ZNF606: variants seen among roughly 807,000 people sequenced by gnomAD.
ZNF606 encodes the protein zinc finger protein 328.
ZNF606 carries 37 observed loss-of-function variants against 74.9 expected under a neutral mutation model. That is an observed-to-expected ratio of 0.49 (90% CI 0.38 to 0.65). ZNF606 has a LOEUF of 0.65. ZNF606 is among the 30% of genes least tolerant of loss of function. The pLI is 0.00. For missense variants in ZNF606, 852 were observed against 952.9 expected, an observed-to-expected ratio of 0.89 and a Z score of 1.39; for synonymous variants, 328 against 312.4, an observed-to-expected ratio of 1.05 and a Z score of -0.53.
intron 4 of ZNF606, among the ~76,000 whole-genome samples, chr19:57,994,459 C>A (rs1032539857): frequency 6.6e-6 from 1 of 152,186 alleles, no homozygotes; most frequent in African/African-American, 2.4e-5. Flanking sequence ...CAAAGATAGA[C>A]ACATTTGACA....
In ZNF606 at chr19:57,977,724, AAGG is replaced by A. The variant is rs2073011475; in HGVS notation, c.*574_*576del. On this transcript the variant is annotated 3_prime_UTR_variant, in exon 7 of 7. Coordinates refer to ENST00000551380, the MANE Select transcript of ZNF606 (RefSeq NM_001348022.3). ...GTCATCTCATTCATTAATTTTCTCT[AAGG>A]AGGTTAATCAACAGTAAATACCCCA... 1.3e-5 allele frequency: 2 copies of A among 152,304 alleles called. No homozygotes were observed. Among genetic ancestry groups the A allele is most frequent in the Admixed American group, 6.5e-5 (1 of 15,292 alleles). 9.4% of individuals were successfully genotyped at this position (152,304 alleles called of 1,614,324 possible).
Position 57,979,761 on chromosome 19 carries a change from G to T in ZNF606, c.919C>A (p.His307Asn). 2 of 1,613,334 alleles carry T rather than the reference G, an allele frequency of 1.2e-6. No individual in the cohort carries two copies. Among genetic ancestry groups the T allele is most frequent in the South Asian group, 2.2e-5 (2 of 90,998 alleles). ...TTTTCTCCTGTGTGAATTCCTTTAT[G>T]ATCACCAAAATGTATTATATGATTG... ...SFNHIIHFGDHKGIHTGEKLY... is the reference protein window; with the variant it reads ...SFNHIIHFGDNKGIHTGEKLY... Residue 307 changes from histidine (H) to asparagine (N), a missense_variant, in exon 7 of 7, where the codon CAT (histidine) becomes AAT (asparagine). By Grantham distance (68) the His-to-Asn change is moderately conservative. Coordinates refer to ENST00000551380, the MANE Select transcript of ZNF606 (RefSeq NM_001348022.3).
rs200497453 is a variant in ZNF606, at chr19:57,979,879, G to T, written c.801C>A (p.Asp267Glu). 5 of 1,613,788 alleles carry T rather than the reference G, an allele frequency of 3.1e-6. No homozygotes were observed. In the African/African-American group the frequency reaches 6.7e-5, roughly 22 times the overall value. ...GTTGAATGGACTGATAAACAGTTTT[G>T]TCATAATCATTATTTTCACAGGTAA... ...DKVTCENNDYDKTVYQSIQPI... is the reference protein window; with the variant it reads ...DKVTCENNDYEKTVYQSIQPI... The change falls in exon 7 of 7, where the codon GAC (aspartate) becomes GAA (glutamate). Residue 267 changes from aspartate (D) to glutamate (E), a missense_variant. This residue lies in a region of ZNF606 where 545 missense variants were observed against 542.5 expected (regional missense o/e 1.00). Coordinates refer to ENST00000551380, the MANE Select transcript of ZNF606 (RefSeq NM_001348022.3).
At position 58,000,709 on chromosome 19, in the gene ZNF606, G is replaced by A; in HGVS notation, c.62C>T (p.Thr21Ile). ...CCAGGAGGCCCATGGGTCAACAGCT[G>A]TCATCCCCCAAGATTGGTCCGTAAG... ...GALTDQSWGM[T>I]AVDPWASWAL... Residue 21 changes from threonine to isoleucine, a missense_variant, in exon 3 of 7, where the codon ACA becomes ATA. Physicochemically the swap from Thr to Ile is moderately conservative, Grantham distance 89. Coordinates refer to ENST00000551380, the MANE Select transcript of ZNF606 (RefSeq NM_001348022.3). 1 of 1,611,638 alleles carries A rather than the reference G, an allele frequency of 6.2e-7. No individual in the cohort carries two copies. The highest frequency in any genetic ancestry group is 8.5e-7 in the Non-Finnish European group (1 of 1,178,772).
rs772628862 is a variant in ZNF606 at position 57,979,715 on chromosome 19, C to T, written c.965G>A (p.Cys322Tyr). 1.9e-6 allele frequency: 3 copies of T among 1,613,396 alleles called. No individual in the cohort carries two copies. ...TGGGCTCTGGTTAAAGATTTGATGG[C>T]ATTCCTTATATTCATAGAGTTTTTC... ...TGEKLYEYKE[C>Y]HQIFNQSPSF... Residue 322 changes from cysteine (C) to tyrosine (Y), a missense_variant, in exon 7 of 7, where the codon TGC (cysteine) becomes TAC (tyrosine). By Grantham distance (194) the Cys-to-Tyr change is radical. Around this residue, in one of 3 missense-constraint regions of ZNF606, gnomAD observed 545 missense variants for 542.5 expected, o/e 1.00. Coordinates refer to ENST00000551380, the MANE Select transcript of ZNF606 (RefSeq NM_001348022.3).
intron 4 of ZNF606, chr19:57,997,463 G>C (rs1229183055): frequency 5.3e-5 from 8 of 152,138 alleles, no homozygotes; most frequent in Non-Finnish European, 8.8e-5. Context: ...AAGGGACACA[G>C]GGTTCTTTTG....
rs1205920901 is a variant in ZNF606, at chr19:57,979,114, G to A, written c.1566C>T (p.Ser522=). 1.9e-6 allele frequency: 3 copies of A among 1,614,092 alleles called. No individual in the cohort carries two copies. Among genetic ancestry groups the A allele is most frequent in the Non-Finnish European group, 2.5e-6 (3 of 1,180,006 alleles). ...FECTECGKSF[S]WSSHLIAHMR... ...TATGGGCAATAAGATGGGAGCTCCA[G>A]CTGAATGATTTCCCACATTCAGTAC... Residue 522 remains serine (S), a synonymous_variant, in exon 7 of 7, where the codon AGC becomes AGT. Transcript: ENST00000551380.
At chr19:58,002,336 C>G (rs1419233111) in intron 1 of ZNF606, 60 bp downstream of exon 1, 1 of 456,652 alleles carries the variant, frequency 2.2e-6, no homozygotes, top group Non-Finnish European at 4.4e-6. Flanking sequence ...GCTCCCGACC[C>G]AAATTTCCTC....
chr19:57,980,079 G>C lies in ZNF606; in HGVS notation c.601C>G (p.Gln201Glu), dbSNP rs1375702257. The change falls in exon 7 of 7, where the codon CAA becomes GAA. Residue 201 changes from glutamine (Q) to glutamate (E), a missense_variant. Transcript: ENST00000551380. ...STAMRQMVFM[Q>E]KQVLSQRSSE... ...CTTCTCTGGGATAGTACTTGCTTTT[G>C]CATGAAGACCATCTGCCTCATAGCT... The C allele has an allele frequency of 7.4e-6, 12 of 1,613,722 alleles. No homozygotes were observed. The highest frequency in any genetic ancestry group is 1.3e-5 in the African/African-American group (1 of 74,938).
At chr19:57,984,640 ACT>A (rs2073138213) in intron 6 of ZNF606, among the ~76,000 whole-genome samples, 1 of 152,278 alleles carries the variant, frequency 6.6e-6, no homozygotes, top group East Asian at 1.9e-4. Context: ...GCATAAAGAA[ACT>A]CTGTTATGCA....
chr19:57,987,596 G>A (rs1299502902), intron 6 of ZNF606, among the ~76,000 whole-genome samples: 1 of 152,144 alleles, frequency 6.6e-6, no homozygotes, highest in Non-Finnish European at 1.5e-5. Flanking sequence ...GGGAGCCCGA[G>A]GTGGGCGGAT....
intron 4 of ZNF606, among the ~76,000 whole-genome samples, chr19:57,996,957 C>G (rs2073349686): frequency 6.6e-6 from 1 of 152,218 alleles, no homozygotes; most frequent in South Asian, 2.1e-4. Flanking sequence ...CTTTGAGAGT[C>G]TGAAGGAGAG....
At chr19:58,003,140 C>A, upstream of ZNF606, 1 of 428,810 alleles carries the variant, frequency 2.3e-6, no homozygotes, top group Non-Finnish European at 4.8e-6. Flanking sequence ...GAGTTCTCAG[C>A]GCTCTCGAGG....
rs1391000364 is a variant in ZNF606 at position 57,978,640 on chromosome 19, A to G, written c.2040T>C (p.Tyr680=). 1.2e-6 allele frequency: 2 copies of G among 1,614,028 alleles called. No individual in the cohort carries two copies. Among genetic ancestry groups the G allele is most frequent in the East Asian group, 2.2e-5 (1 of 44,876 alleles). ...AGGATCTTTCACACTGATTACATTT[A>G]TAGGGTTTCTCACCAGTGTGAATTC... is the stretch of plus-strand genomic sequence containing the variant. ...HRRIHTGEKP[Y]KCNQCERSFN... The change falls in exon 7 of 7, where the codon TAT becomes TAC. Residue 680 remains tyrosine (Y), a synonymous_variant. Transcript: ENST00000551380. The surrounding 1 kb of genome is among the most constrained non-coding windows in gnomAD (Gnocchi z 4.4).
At chr19:58,001,911 C>A (rs1024002469) in intron 1 of ZNF606, 2 of 303,470 alleles carry the variant, frequency 6.6e-6, no homozygotes, top group African/African-American at 2.2e-5. Context: ...AAAAAAAATT[C>A]ACCTCCAAGA....
intron 2 of ZNF606, chr19:58,001,018 T>C (rs1426177498): frequency 5.6e-6 from 3 of 536,408 alleles, no homozygotes; most frequent in Non-Finnish European, 9.8e-6. Context: ...TATTTTATTA[T>C]ATGTATCACT....
chr19:57,979,900 G>A lies in ZNF606; in HGVS notation c.780C>T (p.Thr260=). The A allele has an allele frequency of 6.2e-7, 1 of 1,613,870 alleles. No individual in the cohort carries two copies. Among genetic ancestry groups the A allele is most frequent in the East Asian group, 2.2e-5 (1 of 44,872 alleles). Residue 260 remains threonine (T), a synonymous_variant, in exon 7 of 7, where the codon ACC becomes ACT. Transcript: ENST00000551380. ...TTTTGTCATAATCATTATTTTCACAGGTAACCTTATCTGCATACATTATGG... is the reference window on the plus strand; with the variant it reads ...TTTTGTCATAATCATTATTTTCACAAGTAACCTTATCTGCATACATTATGG... ...DSAIMYADKV[T]CENNDYDKTV...
Position 57,979,353 on chromosome 19 carries a change from G to A in ZNF606, c.1327C>T (p.Leu443Phe). The change falls in exon 7 of 7, where the codon CTT becomes TTT. Residue 443 changes from leucine (L) to phenylalanine (F), a missense_variant. Transcript: ENST00000551380. The part of the protein sequence containing the change: ...CGKVFRNRSA[L>F]TKHERTHTGI... ...GTGTGAGTCCGTTCATGTTTCGTAA[G>A]GGCTGAGCGATTCCTAAAAACTTTT... The A allele has an allele frequency of 1.9e-6, 3 of 1,613,270 alleles. No homozygotes were observed. The highest frequency in any genetic ancestry group is 2.5e-6 in the Non-Finnish European group (3 of 1,179,590).
At chr19:57,983,694 G>C (rs767227390) in intron 6 of ZNF606, among the ~76,000 whole-genome samples, 9 of 152,166 alleles carry the variant, frequency 5.9e-5, no homozygotes, top group Non-Finnish European at 1.2e-4. Flanking sequence ...AAGTGATCGA[G>C]GATGGTTCAC....
Sources: allele counts gnomAD v4.1 joint callset (sites outside exome capture counted in the v4.1 genomes callset), GRCh38; gene constraint gnomAD v4.1.1; regional missense constraint gnomAD v4.1.1; non-coding constraint Gnocchi (gnomAD v3.1); transcripts MANE v1.5; gene names NCBI Gene and HGNC (gene_info 2026-07-23, HGNC 2026-07-21).